The following XYLB variants were observed in gnomAD, a reference collection of about 807,000 sequenced individuals.
The protein encoded by XYLB is xylulokinase.
In XYLB, 62 loss-of-function variants were observed where a neutral mutation model predicts 78.7. The observed-to-expected ratio is 0.79, with a 90% confidence interval of 0.64 to 0.97. The LOEUF (loss-of-function observed/expected upper bound fraction) is 0.97, where lower values mean the gene tolerates loss of function less well. Among genes scored for constraint, XYLB ranks in the 50% least tolerant of loss-of-function variants. XYLB has a pLI of 0.00. For missense variants in XYLB, 687 were observed against 676.8 expected (o/e 1.02, Z -0.17); for synonymous variants, 245 against 247.4 (o/e 0.99, Z 0.09).
rs1707025136 is a variant in XYLB, at chr3:38,379,266, T to C, written c.1215T>C (p.Asp405=). 4 of 1,613,994 alleles carry C rather than the reference T, an allele frequency of 2.5e-6. No homozygotes were observed. Among genetic ancestry groups the C allele is most frequent in the Non-Finnish European group, 3.4e-6 (4 of 1,179,994 alleles). Residue 405 remains aspartate (D), a synonymous_variant, in exon 15 of 19, where the codon GAT becomes GAC. Transcript: ENST00000207870. ...ENHKVAAFPG[D]VEVRALIEGQ... Reference sequence around the variant, plus strand: ...GACAGGTTGCAGCATTCCCTGGGGATGTGGAGGTTCGAGCACTAATTGAAG... The same window carrying C: ...GACAGGTTGCAGCATTCCCTGGGGACGTGGAGGTTCGAGCACTAATTGAAG...
intron 10 of XYLB, among the ~76,000 whole-genome samples, chr3:38,374,076 CAG>C (rs912917604): frequency 1.3e-5 from 2 of 151,962 alleles, no homozygotes; most frequent in African/African-American, 4.8e-5. Context: ...AGGCAGGGCA[CAG>C]AGAGTGAACA....
At chr3:38,433,170 G>A in the XYLB span, among the ~76,000 whole-genome samples, 1 of 152,250 alleles carries the variant, frequency 6.6e-6, no homozygotes, top group South Asian at 2.1e-4. Flanking sequence ...CCAAGGCTCA[G>A]GGCTTGCACC....
intron 16 of XYLB, among the ~76,000 whole-genome samples, chr3:38,395,826 T>C (rs1050628940): frequency 1.3e-5 from 2 of 152,218 alleles, no homozygotes; most frequent in Non-Finnish European, 2.9e-5. Flanking sequence ...GGAAAGTGCC[T>C]GTTCTTCCAC....
At chr3:38,437,665 C>A in the XYLB span, among the ~76,000 whole-genome samples, 1 of 152,108 alleles carries the variant, frequency 6.6e-6, no homozygotes, top group Non-Finnish European at 1.5e-5. Flanking sequence ...CAATCCCAGC[C>A]AGGTGTAGTG....
At chr3:38,381,233 A>C (rs151001328) in intron 15 of XYLB, among the ~76,000 whole-genome samples, 4 of 152,292 alleles carry the variant, frequency 2.6e-5, no homozygotes, top group South Asian at 4.1e-4. Context: ...CTTTACTGCA[A>C]TCTCTAAACA....
downstream of XYLB, among the ~76,000 whole-genome samples, chr3:38,417,443 G>A (rs1419758077): frequency 6.6e-6 from 1 of 152,162 alleles, no homozygotes; most frequent in Admixed American, 6.6e-5. Context: ...GGTACATAGA[G>A]TAGACTCCAA....
chr3:38,399,370 TTA>T (rs756802140), intron 17 of XYLB, among the ~76,000 whole-genome samples: 4 of 152,022 alleles, frequency 2.6e-5, no homozygotes, highest in Non-Finnish European at 5.9e-5. Context: ...AGTACTAGGA[TTA>T]CAGGCATGAA....
intron 8 of XYLB, among the ~76,000 whole-genome samples, chr3:38,369,642 C>G (rs936013709): frequency 6.6e-6 from 1 of 152,160 alleles, no homozygotes; most frequent in Non-Finnish European, 1.5e-5. Flanking sequence ...TCTCAGTGAC[C>G]AGAAGGAAGT....
intron 13 of XYLB, 25 bp downstream of exon 13, chr3:38,376,257 C>G: frequency 6.5e-7 from 1 of 1,534,414 alleles, no homozygotes; most frequent in Non-Finnish European, 9.0e-7. Flanking sequence ...GGTGCCCAGG[C>G]CTGTGAAGGG....
intron 2 of XYLB, among the ~76,000 whole-genome samples, chr3:38,350,549 C>A (rs1382471195): frequency 6.6e-6 from 1 of 151,832 alleles, no homozygotes; most frequent in Admixed American, 6.6e-5. Context: ...TGTTGATTTT[C>A]CCCTGTTGTT....
At chr3:38,358,365 C>T (rs868776924) in intron 2 of XYLB, among the ~76,000 whole-genome samples, 633 of 61,036 alleles carry the variant, frequency 0.01, 13 homozygotes, top group African/African-American at 0.029. Context: ...GTGTTTGAGA[C>T]AGAGCCTTGC....
chr3:38,395,421 G>A, intron 15 of XYLB, 84 bp from the exon 16 acceptor site: 2 of 1,282,330 alleles, frequency 1.6e-6, no homozygotes, highest in Non-Finnish European at 2.2e-6. Context: ...TGAGCCCTCT[G>A]TAGCTGAAGA....
At chr3:38,368,465 A>G (rs1706377977) in intron 8 of XYLB, among the ~76,000 whole-genome samples, 1 of 152,082 alleles carries the variant, frequency 6.6e-6, no homozygotes, top group Non-Finnish European at 1.5e-5. Context: ...TTATTTTCTC[A>G]CCTAGTGTCT....
At chr3:38,381,770 A>G (rs1707156814) in intron 15 of XYLB, among the ~76,000 whole-genome samples, 1 of 152,190 alleles carries the variant, frequency 6.6e-6, no homozygotes, top group East Asian at 1.9e-4. Context: ...AGACTGGTTG[A>G]TCCCAAAACC....
chr3:38,406,113 G>A (rs1382239314), intron 18 of XYLB, among the ~76,000 whole-genome samples: 1 of 152,230 alleles, frequency 6.6e-6, no homozygotes, highest in Non-Finnish European at 1.5e-5. Context: ...TGACCCCCGA[G>A]CAGCCTACCT....
chr3:38,436,806 C>A, the XYLB span, among the ~76,000 whole-genome samples: 1 of 151,946 alleles, frequency 6.6e-6, no homozygotes, highest in Non-Finnish European at 1.5e-5. Context: ...GAGTTCAAGA[C>A]CAGCCTGGTC....
chr3:38,406,754 G>T (rs1425504366), intron 18 of XYLB, among the ~76,000 whole-genome samples: 2 of 152,176 alleles, frequency 1.3e-5, no homozygotes, highest in Non-Finnish European at 2.9e-5. Flanking sequence ...CTCAGGAGCC[G>T]ATGCGATCAG....
intron 15 of XYLB, among the ~76,000 whole-genome samples, chr3:38,380,595 T>C (rs1707101044): frequency 6.6e-6 from 1 of 152,202 alleles, no homozygotes; most frequent in African/African-American, 2.4e-5. Context: ...ACTATAAAAA[T>C]ACCTATTAGG....
the XYLB span, among the ~76,000 whole-genome samples, chr3:38,439,852 G>T: frequency 2.6e-5 from 4 of 152,162 alleles, no homozygotes; most frequent in Non-Finnish European, 1.5e-5. Flanking sequence ...TCGCTGACCG[G>T]TTAGTGTAAA....
Sources: allele counts gnomAD v4.1 joint callset (sites outside exome capture counted in the v4.1 genomes callset), GRCh38; gene constraint gnomAD v4.1.1; transcripts MANE v1.5; gene names NCBI Gene and HGNC (gene_info 2026-07-23, HGNC 2026-07-21).